Variants in TNIP3 observed in about 807,000 individuals in gnomAD.
The protein encoded by TNIP3 is TNFAIP3-interacting protein 3.
TNIP3 carries 34 observed loss-of-function variants against 54.1 expected under a neutral mutation model. That is an observed-to-expected ratio of 0.63 (90% CI 0.48 to 0.84). TNIP3 has a LOEUF of 0.84. Among genes scored for constraint, TNIP3 ranks in the 40% least tolerant of loss-of-function variants. TNIP3 has a pLI of 0.00. For synonymous variants in TNIP3, 134 were observed against 136.8 expected (o/e 0.98, Z 0.14); for missense variants, 366 against 387.6 (o/e 0.94, Z 0.47).
chr4:121,185,887 A>G (rs7684167), intron 2 of TNIP3, among the ~76,000 whole-genome samples: 50,445 of 151,884 alleles, frequency 0.33, 9,831 homozygotes, highest in African/African-American at 0.55. Flanking sequence ...CTGACTTTTC[A>G]CAGAAATAAT....
intron 2 of TNIP3, among the ~76,000 whole-genome samples, chr4:121,212,293 G>A (rs1368661490): frequency 6.6e-6 from 1 of 152,084 alleles, no homozygotes; most frequent in African/African-American, 2.4e-5. Flanking sequence ...ACAGAGCCTG[G>A]TTCAAAGCAC....
intron 2 of TNIP3, among the ~76,000 whole-genome samples, chr4:121,159,263 A>G (rs1730301608): frequency 1.3e-5 from 2 of 152,216 alleles, no homozygotes; most frequent in African/African-American, 4.8e-5. Context: ...AAGAAAAAAA[A>G]GAAAAGAAAA....
At chr4:121,179,472 C>A (rs1437313756) in intron 3 of TNIP3, among the ~76,000 whole-genome samples, 1 of 152,142 alleles carries the variant, frequency 6.6e-6, no homozygotes, top group East Asian at 1.9e-4. Context: ...GTGACAGAAG[C>A]TATATCTTGG....
chr4:121,216,617 T>C, exon 1 of TNIP3: 1 of 1,476,520 alleles, frequency 6.8e-7, no homozygotes, highest in Non-Finnish European at 8.9e-7. Flanking sequence ...AAAAGCCATG[T>C]TTTTATTCTC....
intron 9 of TNIP3, among the ~76,000 whole-genome samples, chr4:121,139,339 A>G (rs1728974695): frequency 6.6e-6 from 1 of 152,194 alleles, no homozygotes; most frequent in Admixed American, 6.5e-5. Flanking sequence ...ATGTCGAACA[A>G]ATTGCATTGA....
chr4:121,159,126 C>T (rs1309317121), intron 2 of TNIP3, among the ~76,000 whole-genome samples: 3 of 152,090 alleles, frequency 2.0e-5, no homozygotes, highest in African/African-American at 7.2e-5. Flanking sequence ...ACCTGCAGTC[C>T]CAGCTACTGG....
intron 10 of TNIP3, among the ~76,000 whole-genome samples, chr4:121,137,219 C>A (rs896791074): frequency 9.2e-5 from 14 of 152,104 alleles, no homozygotes; most frequent in Non-Finnish European, 1.9e-4. Flanking sequence ...AAGAAAATAT[C>A]TTTAATAGTC....
chr4:121,186,275 C>T (rs1375356717), intron 2 of TNIP3, among the ~76,000 whole-genome samples: 3 of 152,118 alleles, frequency 2.0e-5, no homozygotes, highest in African/African-American at 4.8e-5. Context: ...CAGTGTTGAC[C>T]GCTGTGGGAG....
At chr4:121,162,419 G>A (rs1056803097) in intron 1 of TNIP3, among the ~76,000 whole-genome samples, 2 of 152,154 alleles carry the variant, frequency 1.3e-5, no homozygotes, top group African/African-American at 4.8e-5. Context: ...GATTATATTT[G>A]CTCTTGACCT....
upstream of TNIP3, among the ~76,000 whole-genome samples, chr4:121,164,738 G>A (rs900924905): frequency 3.9e-5 from 6 of 152,062 alleles, no homozygotes; most frequent in Non-Finnish European, 8.8e-5. Context: ...AGAAATAAAA[G>A]GGAAAATAAT....
At chr4:121,225,420 T>G (rs552266682) in intron 1 of TNIP3, among the ~76,000 whole-genome samples, 37 of 152,306 alleles carry the variant, frequency 2.4e-4, no homozygotes, top group Non-Finnish European at 4.9e-4. Flanking sequence ...TAGAAAAGCA[T>G]TTTTTCTTCT....
chr4:121,166,527 G>A (rs550062280), upstream of TNIP3, among the ~76,000 whole-genome samples: 1 of 152,298 alleles, frequency 6.6e-6, no homozygotes, highest in East Asian at 1.9e-4. Context: ...GTCATTCCAT[G>A]TTTCCAAGGC....
At chr4:121,225,295 C>T (rs1231775915) in intron 1 of TNIP3, among the ~76,000 whole-genome samples, 1 of 152,120 alleles carries the variant, frequency 6.6e-6, no homozygotes, top group Non-Finnish European at 1.5e-5. Flanking sequence ...GCTTTGCAAC[C>T]GCTAGAATAT....
chr4:121,142,453 G>A (rs939467806), intron 8 of TNIP3, among the ~76,000 whole-genome samples: 2 of 152,196 alleles, frequency 1.3e-5, no homozygotes, highest in Non-Finnish European at 2.9e-5. Flanking sequence ...AAATACCAAT[G>A]AAATCTATTT....
rs139937958 is a variant in TNIP3, at chr4:121,131,849, G to C, written c.*782C>G. On this transcript the variant is annotated 3_prime_UTR_variant, in exon 11 of 11. Transcript: ENST00000057513. Reference sequence around the variant, plus strand: ...GGGTTTCACCATGCTGGCCAGGCTGGTCTAGAACTCCTGGCCTCAAAGCAA... The same window carrying C: ...GGGTTTCACCATGCTGGCCAGGCTGCTCTAGAACTCCTGGCCTCAAAGCAA... The C allele has an allele frequency of 6.6e-6, 1 of 152,286 alleles. No homozygotes were observed. Among genetic ancestry groups the C allele is most frequent in the Admixed American group, 6.6e-5 (1 of 15,248 alleles). 9.4% of individuals were successfully genotyped at this position (152,286 alleles called of 1,614,324 possible). A position where few individuals can be genotyped will look rare whatever the true frequency, so the allele number is the denominator to read the frequency against.
intron 9 of TNIP3, among the ~76,000 whole-genome samples, chr4:121,140,194 T>A (rs1729032421): frequency 6.6e-6 from 1 of 152,042 alleles, no homozygotes; most frequent in African/African-American, 2.4e-5. Context: ...ATTAGCCACG[T>A]GTGGTGGTGT....
chr4:121,144,392 C>T (rs532510710), intron 7 of TNIP3, among the ~76,000 whole-genome samples: 1 of 151,894 alleles, frequency 6.6e-6, no homozygotes, highest in Non-Finnish European at 1.5e-5. Flanking sequence ...TTTTCTAAAG[C>T]GTTTTTTTGT....
chr4:121,146,580 G>A (rs1729443463), intron 7 of TNIP3, among the ~76,000 whole-genome samples: 1 of 151,992 alleles, frequency 6.6e-6, no homozygotes. Flanking sequence ...TTCCTTCAAA[G>A]TACTCCAGTT....
At chr4:121,162,854 G>GT (rs1381015454) in intron 1 of TNIP3, among the ~76,000 whole-genome samples, 9 of 152,066 alleles carry the variant, frequency 5.9e-5, no homozygotes, top group African/African-American at 2.2e-4. Context: ...TAAATTATGG[G>GT]TCCTCAAAAA....
Sources: gnomAD v4.1 joint callset for allele counts (sites outside exome capture counted in the v4.1 genomes callset) on GRCh38, gnomAD v4.1.1 for gene constraint, MANE v1.5 for transcripts, NCBI Gene and HGNC (gene_info 2026-07-23, HGNC 2026-07-21) for gene names.